Variants in NIPBL observed in about 807,000 individuals in gnomAD.
NIPBL encodes NIPBL cohesin loading factor.
Under a neutral mutation model 321.8 loss-of-function variants are expected in NIPBL, and 19 were observed. That is an observed-to-expected ratio of 0.06 (90% CI 0.04 to 0.09). The LOEUF (loss-of-function observed/expected upper bound fraction) is 0.09, where lower values mean the gene tolerates loss of function less well. Among genes scored for constraint, NIPBL ranks in the 10% least tolerant of loss-of-function variants. The pLI, the probability that NIPBL is intolerant of heterozygous loss-of-function variation, is 1.00. For synonymous variants in NIPBL, 1,106 were observed against 1,114.1 expected (o/e 0.99, Z 0.14); for missense variants, 2,210 against 3,327.0 (o/e 0.66, Z 8.26).
chr5:36,971,161 A>G lies in NIPBL; in HGVS notation c.771+125A>G, dbSNP rs1001423193. 3.3e-5 allele frequency: 26 copies of G among 791,814 alleles called. No individual in the cohort carries two copies. The African/African-American group carries it at 4.3e-4, about 13-fold the overall frequency. The allele number at this position is 791,814 out of a possible 1,614,324, so 49.0% of individuals were successfully genotyped here. A position where few individuals can be genotyped will look rare whatever the true frequency, so the allele number is the denominator to read the frequency against. The stretch of plus-strand genomic sequence containing the variant: ...CATTATACTGGGTACTGAGTACAAC[A>G]TGGCTCCTGCACATACAGAGCTTAG... On this transcript the variant is annotated intron_variant, in intron 7 of 46. Transcript: ENST00000282516.
At position 37,054,191 on chromosome 5, in the gene NIPBL, G is replaced by A. The variant is rs753930112; in HGVS notation, c.7263+1625G>A. Among the ~76,000 whole-genome samples the A allele has an allele frequency of 8.3e-5, 11 of 132,064 alleles. No individual in the cohort carries two copies. In the East Asian group the frequency reaches 2.2e-3, roughly 27 times the overall value. The allele number at this position is 132,064 out of a possible 152,430, so 86.6% of individuals were successfully genotyped here. A position where few individuals can be genotyped will look rare whatever the true frequency, so the allele number is the denominator to read the frequency against. On this transcript the variant is annotated intron_variant, in intron 42 of 46. Coordinates refer to ENST00000282516, the MANE Select transcript of NIPBL (RefSeq NM_133433.4). ...AGCCTGGCCGACAGAGCGAGACTCC[G>A]TCTCAAAAAAAAAAAAAAAAAAAGA... is the stretch of plus-strand genomic sequence containing the variant.
intron 1 of NIPBL, among the ~76,000 whole-genome samples, chr5:36,953,006 A>AT (rs773123988): frequency 3.7e-4 from 57 of 152,290 alleles, no homozygotes; most frequent in Non-Finnish European, 7.4e-4. Context: ...ATCTTGAAGA[A>AT]TTATAGGATT....
intron 21 of NIPBL, among the ~76,000 whole-genome samples, chr5:37,012,890 C>A (rs1304597500): frequency 5.3e-5 from 8 of 152,244 alleles, no homozygotes; most frequent in Non-Finnish European, 1.2e-4. Flanking sequence ...CGGCAACCAT[C>A]CGATTTCTCA....
chr5:36,968,027 C>G (rs1160552810), intron 6 of NIPBL, among the ~76,000 whole-genome samples: 2 of 138,598 alleles, frequency 1.4e-5, no homozygotes, highest in African/African-American at 5.6e-5. Flanking sequence ...GCCTGGGAGG[C>G]AGAGGTTGCA....
intron 1 of NIPBL, among the ~76,000 whole-genome samples, chr5:36,890,226 C>A (rs1319486381): frequency 2.0e-5 from 3 of 151,790 alleles, no homozygotes; most frequent in African/African-American, 7.2e-5. Flanking sequence ...AATAATGAGG[C>A]AGTGAACATC....
intron 1 of NIPBL, among the ~76,000 whole-genome samples, chr5:36,892,404 G>A (rs1324578130): frequency 6.6e-6 from 1 of 152,170 alleles, no homozygotes; most frequent in Non-Finnish European, 1.5e-5. Flanking sequence ...TCTAGAACTA[G>A]AAATACCATT....
At chr5:36,967,497 G>A (rs1580351941) in intron 6 of NIPBL, among the ~76,000 whole-genome samples, 1 of 151,956 alleles carries the variant, frequency 6.6e-6, no homozygotes, top group Admixed American at 6.6e-5. Context: ...CCAGAAAAAA[G>A]AAAAACAGCA....
rs1018912631 is a variant in NIPBL, at chr5:37,003,146, G to C, written c.3769-115G>C. 7 of 690,214 alleles carry C rather than the reference G, an allele frequency of 1.0e-5. No individual in the cohort carries two copies. In the African/African-American group the frequency reaches 1.2e-4, roughly 12 times the overall value. 42.8% of individuals were successfully genotyped at this position (690,214 alleles called of 1,614,324 possible). ...GTGGGAAAGTTTTCTTACTCTTTAA[G>C]AGGGTGACAATGCTATTTCCTCCAT... On this transcript the variant is annotated intron_variant, in intron 15 of 46. Transcript: ENST00000282516.
In NIPBL at chr5:37,020,573, G is replaced by C. The variant is rs1316564873; in HGVS notation, c.5125G>C (p.Glu1709Gln). Residue 1709 changes from glutamate to glutamine, a missense_variant, in exon 26 of 47, where the codon GAA becomes CAA. Physicochemically the swap from Glu to Gln is conservative, Grantham distance 29. Coordinates refer to ENST00000282516, the MANE Select transcript of NIPBL (RefSeq NM_133433.4). The stretch of plus-strand genomic sequence containing the variant: ...ATCTGAAGGAACACATCATGCAAAG[G>C]AAATTGAGACAACTGGCCAAATTAT... ...ESSEGTHHAKEIETTGQIMHR... is the reference protein window; with the variant it reads ...ESSEGTHHAKQIETTGQIMHR... 6.2e-7 allele frequency: 1 copy of C among 1,613,888 alleles called. No individual in the cohort carries two copies. The highest frequency in any genetic ancestry group is 8.5e-7 in the Non-Finnish European group (1 of 1,179,986).
chr5:36,917,543 A>G (rs1748567682), intron 1 of NIPBL, among the ~76,000 whole-genome samples: 1 of 152,128 alleles, frequency 6.6e-6, no homozygotes, highest in South Asian at 2.1e-4. Context: ...GGCATTACTC[A>G]TCATTTACAT....
chr5:37,054,239 T>TAA (rs1449275842), intron 42 of NIPBL, among the ~76,000 whole-genome samples: 7 of 151,918 alleles, frequency 4.6e-5, no homozygotes, highest in African/African-American at 1.7e-4. Context: ...CTTTAATTAC[T>TAA]TGTTAGCCTG....
Position 37,045,652 on chromosome 5 carries a change from A to G in NIPBL, c.6498+55A>G, listed in dbSNP as rs1424184865. 5.8e-6 allele frequency: 9 copies of G among 1,556,990 alleles called. No homozygotes were observed. In the African/African-American group the frequency reaches 1.1e-4, roughly 19 times the overall value. On this transcript the variant is annotated intron_variant, in intron 37 of 46. Coordinates refer to ENST00000282516, the MANE Select transcript of NIPBL (RefSeq NM_133433.4). ...AAACATAGAGCTATATGGCACTGTG[A>G]TCTGAGAATGACAGTAGTGACCCAG...
At chr5:37,048,993 T>C (rs572461639) in intron 39 of NIPBL, 118 bp from the exon 40 acceptor site, 34 of 997,828 alleles carry the variant, frequency 3.4e-5, no homozygotes, top group Admixed American at 9.3e-5. Flanking sequence ...TAAGAACCAT[T>C]GAGCCAGAAC....
chr5:37,050,479 C>CAAA (rs370627067), intron 40 of NIPBL, among the ~76,000 whole-genome samples: 2 of 82,202 alleles, frequency 2.4e-5, no homozygotes, highest in African/African-American at 4.7e-5. Flanking sequence ...GACTCCATCT[C>CAAA]AAAAAAAAAA....
intron 1 of NIPBL, among the ~76,000 whole-genome samples, chr5:36,889,491 C>T (rs1443095533): frequency 2.0e-5 from 3 of 151,972 alleles, no homozygotes; most frequent in Non-Finnish European, 4.4e-5. Flanking sequence ...ACTCATGTTT[C>T]TTAGTATATG....
At position 36,934,842 on chromosome 5, in the gene NIPBL, A is replaced by G. The variant is rs561871006; in HGVS notation, c.-79-18776A>G. Among the ~76,000 whole-genome samples the G allele has an allele frequency of 5.1e-4, 77 of 151,930 alleles. No homozygotes were observed. The South Asian group carries it at 0.016, about 31-fold the overall frequency. On this transcript the variant is annotated intron_variant, in intron 1 of 46. Transcript: ENST00000282516. ...TAGAGTTAAGAAATTATCAAAGATAATGAACCACTGGAGAAAGTGGAGTCA... is the reference window on the plus strand; with the variant it reads ...TAGAGTTAAGAAATTATCAAAGATAGTGAACCACTGGAGAAAGTGGAGTCA...
At chr5:36,890,247 GT>G (rs34518325) in intron 1 of NIPBL, among the ~76,000 whole-genome samples, 16,082 of 152,070 alleles carry the variant, frequency 0.11, 1,129 homozygotes, top group Admixed American at 0.19. Context: ...TTTATATGTA[GT>G]TTTTTCCCCC....
intron 29 of NIPBL, among the ~76,000 whole-genome samples, chr5:37,024,067 A>T (rs2149701589): frequency 6.6e-6 from 1 of 152,124 alleles, no homozygotes; most frequent in African/African-American, 2.4e-5. Context: ...CGGGAGGCTG[A>T]GACAGGAGAA....
rs115149563 is a variant in NIPBL, at chr5:37,005,785, A to C, written c.3856-572A>C. 8.2e-3 allele frequency among the ~76,000 whole-genome samples: 1,243 copies of C among 152,292 alleles called. 12 individuals carry two copies. Among genetic ancestry groups the C allele is most frequent in the African/African-American group, 0.028 (1,181 of 41,554 alleles). On this transcript the variant is annotated intron_variant, in intron 16 of 46. Transcript: ENST00000282516. ...GCAATGTCAAGTTGCTGATGTGTAAATTAAAATAAAGTCTTCTGTCAGTTC... is the reference window on the plus strand; with the variant it reads ...GCAATGTCAAGTTGCTGATGTGTAACTTAAAATAAAGTCTTCTGTCAGTTC...
Sources: gnomAD v4.1 joint callset for allele counts (sites outside exome capture counted in the v4.1 genomes callset) on GRCh38, gnomAD v4.1.1 for gene constraint, MANE v1.5 for transcripts, NCBI Gene and HGNC (gene_info 2026-07-23, HGNC 2026-07-21) for gene names.